Variants in FBXL14 observed in about 807,000 individuals in gnomAD.
FBXL14 encodes the protein F-box/LRR-repeat protein 14.
In FBXL14, 11 loss-of-function variants were observed where a neutral mutation model predicts 24.5. The ratio of observed to expected loss-of-function variants is 0.45; its 90% CI spans 0.28 to 0.74. The LOEUF (loss-of-function observed/expected upper bound fraction) is 0.74. FBXL14 is among the 30% of genes least tolerant of loss of function. The pLI is 0.12. For synonymous variants in FBXL14, 294 were observed against 240.4 expected (o/e 1.22, Z -2.06); for missense variants, 384 against 545.6 (o/e 0.70, Z 2.95).
intron 1 of FBXL14, among the ~76,000 whole-genome samples, chr12:1,583,502 T>A (rs909481033): frequency 6.6e-6 from 1 of 152,196 alleles, no homozygotes; most frequent in Non-Finnish European, 1.5e-5. Context: ...TTCAATTTCA[T>A]CTTTTCCAGG....
chr12:1,577,441 G>A (rs75263187), intron 1 of FBXL14, among the ~76,000 whole-genome samples: 27 of 151,162 alleles, frequency 1.8e-4, no homozygotes, highest in Non-Finnish European at 3.8e-4. Flanking sequence ...AAAAAAAAAG[G>A]ACTTATGTAT....
chr12:1,592,940 C>T lies in FBXL14; in HGVS notation c.1127G>A (p.Arg376His). 1.2e-6 allele frequency: 2 copies of T among 1,610,724 alleles called. No homozygotes were observed. Among genetic ancestry groups the T allele is most frequent in the South Asian group, 1.1e-5 (1 of 90,890 alleles). The change falls in exon 1 of 2, where the codon CGC becomes CAC. Residue 376 changes from arginine (R) to histidine (H), a missense_variant. Physicochemically the swap from Arg to His is conservative, Grantham distance 29 (BLOSUM62 0). Transcript: ENST00000339235. The stretch of plus-strand genomic sequence containing the variant: ...CTTGAGGCACGGCAGCTGCGTGATG[C>T]GCTCCAGGCCGCGCTTGGTGATTCG... The part of the protein sequence containing the change: ...CTRITKRGLE[R>H]ITQLPCLKVL...
Position 1,593,797 on chromosome 12 carries a change from G to A in FBXL14, c.270C>T (p.Ala90=). ...RSLSYVIQGM[A]NIESLNLSGC... ...CGCTGAGGTTGAGGCTCTCGATGTT[G>A]GCCATGCCCTGGATCACGTAGCTGA... is the stretch of plus-strand genomic sequence containing the variant. Residue 90 remains alanine, a synonymous_variant, in exon 1 of 2, where the codon GCC becomes GCT. Coordinates refer to ENST00000339235, the MANE Select transcript of FBXL14 (RefSeq NM_152441.3). The surrounding 1 kb of genome is among the most constrained non-coding windows in gnomAD (Gnocchi z 7.4). 1 of 1,614,174 alleles carries A rather than the reference G, an allele frequency of 6.2e-7. No homozygotes were observed. The highest frequency in any genetic ancestry group is 8.5e-7 in the Non-Finnish European group (1 of 1,180,022).
chr12:1,594,040 G>C lies in FBXL14; in HGVS notation c.27C>G (p.Phe9Leu), dbSNP rs1256607846. Residue 9 changes from phenylalanine to leucine, a missense_variant, in exon 1 of 2, where the codon TTC becomes TTG. By Grantham distance (22) the Phe-to-Leu change is conservative (BLOSUM62 0). Transcript: ENST00000339235. Reference protein sequence around the residue: METHISCLFPELLAMIFGY... With the variant: METHISCLLPELLAMIFGY... The stretch of plus-strand genomic sequence containing the variant: ...CGAAGATCATGGCCAGCAGCTCCGG[G>C]AACAGGCATGAGATGTGGGTCTCCA... 1 of 1,549,254 alleles carries C rather than the reference G, an allele frequency of 6.5e-7. No individual in the cohort carries two copies. The highest frequency in any genetic ancestry group is 8.7e-7 in the Non-Finnish European group (1 of 1,155,478).
intron 1 of FBXL14, among the ~76,000 whole-genome samples, chr12:1,572,584 C>T (rs931140639): frequency 6.6e-5 from 10 of 152,102 alleles, no homozygotes; most frequent in Non-Finnish European, 1.0e-4. Context: ...TTGGAGAAAT[C>T]GTGACTGCAG....
intron 1 of FBXL14, among the ~76,000 whole-genome samples, chr12:1,575,752 A>G (rs2154437862): frequency 6.6e-6 from 1 of 152,098 alleles, no homozygotes; most frequent in African/African-American, 2.4e-5. Context: ...GTAGGAAAAT[A>G]GTGTGGAGTG....
At chr12:1,576,911 T>C (rs952348476) in intron 1 of FBXL14, among the ~76,000 whole-genome samples, 1 of 152,256 alleles carries the variant, frequency 6.6e-6, no homozygotes, top group Admixed American at 6.5e-5. Flanking sequence ...TAGTTAGTAA[T>C]TAATCCCAAT....
chr12:1,588,543 T>C (rs1243915211), intron 1 of FBXL14, among the ~76,000 whole-genome samples: 2 of 152,240 alleles, frequency 1.3e-5, no homozygotes, highest in Non-Finnish European at 2.9e-5. Flanking sequence ...GGGGCCTAGC[T>C]TGGGAGCTGC....
At chr12:1,582,856 C>A (rs2094469333) in intron 1 of FBXL14, among the ~76,000 whole-genome samples, 1 of 152,146 alleles carries the variant, frequency 6.6e-6, no homozygotes, top group Non-Finnish European at 1.5e-5. Context: ...TGTTGAGTAC[C>A]AGGAGGGCAA....
chr12:1,584,810 G>A (rs966014585), intron 1 of FBXL14, among the ~76,000 whole-genome samples: 8 of 152,270 alleles, frequency 5.3e-5, no homozygotes, highest in East Asian at 1.9e-4. Context: ...TAAGACACAC[G>A]TACTGGCCAT....
intron 1 of FBXL14, among the ~76,000 whole-genome samples, chr12:1,588,531 TAGGGGCCTA>T (rs1206023554): frequency 6.6e-6 from 1 of 152,196 alleles, no homozygotes; most frequent in Non-Finnish European, 1.5e-5. Context: ...TTGGACAAGT[TAGGGGCCTA>T]GCTTGGGAGC....
intron 1 of FBXL14, among the ~76,000 whole-genome samples, chr12:1,592,561 A>G (rs2094492922): frequency 6.6e-6 from 1 of 152,224 alleles, no homozygotes; most frequent in Admixed American, 6.5e-5. Flanking sequence ...GTGGGGATAC[A>G]GTAGCTGAAT....
At chr12:1,572,768 A>G (rs1009948497) in intron 1 of FBXL14, among the ~76,000 whole-genome samples, 1 of 150,418 alleles carries the variant, frequency 6.6e-6, no homozygotes, top group East Asian at 1.9e-4. Context: ...TCAGATTTGT[A>G]CATTAGAAAA....
chr12:1,569,364 G>A lies in FBXL14; in HGVS notation c.1195-2554C>T, dbSNP rs544320065. Among the ~76,000 whole-genome samples, 126 of 147,034 alleles carry A rather than the reference G, an allele frequency of 8.6e-4. No individual in the cohort carries two copies. Among genetic ancestry groups the A allele is most frequent in the Non-Finnish European group, 6.7e-4 (45 of 67,210 alleles). On this transcript the variant is annotated intron_variant, in intron 1 of 1. Coordinates refer to ENST00000339235, the MANE Select transcript of FBXL14 (RefSeq NM_152441.3). This position sits in a 1 kb window ranked among gnomAD's most constrained non-coding sequence, Gnocchi z 4.2. The stretch of plus-strand genomic sequence containing the variant: ...TTCCTTCTTCCCTCTTCAACCCCAC[G>A]CTCTCATATGCTAAATAAGAAACCA...
intron 1 of FBXL14, 138 bp from the exon 2 acceptor site, chr12:1,566,948 A>C: frequency 3.3e-6 from 2 of 611,212 alleles, no homozygotes; most frequent in Non-Finnish European, 5.9e-6. Context: ...CTCCCACGCC[A>C]GCCCACTCTA....
intron 1 of FBXL14, among the ~76,000 whole-genome samples, chr12:1,575,717 T>G (rs1232738993): frequency 1.3e-5 from 2 of 151,854 alleles, no homozygotes; most frequent in Non-Finnish European, 2.9e-5. Flanking sequence ...CGTGGGAGCT[T>G]AGGAAGGCAC....
intron 1 of FBXL14, among the ~76,000 whole-genome samples, chr12:1,577,672 G>A (rs1049100667): frequency 2.0e-5 from 3 of 152,206 alleles, no homozygotes; most frequent in African/African-American, 7.2e-5. Context: ...GGCAGGGTGA[G>A]CAGGGAGCTA....
intron 1 of FBXL14, among the ~76,000 whole-genome samples, chr12:1,582,197 GAAGA>G (rs775246111): frequency 2.7e-4 from 41 of 149,260 alleles, no homozygotes; most frequent in South Asian, 2.4e-3. Flanking sequence ...GGAAGAAAAG[GAAGA>G]AAGAAAGAGA....
At chr12:1,573,416 G>A (rs2094448843) in intron 1 of FBXL14, among the ~76,000 whole-genome samples, 1 of 152,152 alleles carries the variant, frequency 6.6e-6, no homozygotes, top group African/African-American at 2.4e-5. Context: ...CACAGGACAG[G>A]GTGCCTCGTA....
Sources: allele counts gnomAD v4.1 joint callset (sites outside exome capture counted in the v4.1 genomes callset), GRCh38; gene constraint gnomAD v4.1.1; non-coding constraint Gnocchi (gnomAD v3.1); transcripts MANE v1.5; gene names NCBI Gene and HGNC (gene_info 2026-07-23, HGNC 2026-07-21).